Variants in TSPAN11 observed in about 807,000 individuals in gnomAD.
TSPAN11 encodes tetraspanin-11.
Under a neutral mutation model 32.9 loss-of-function variants are expected in TSPAN11, and 29 were observed. The ratio of observed to expected loss-of-function variants is 0.88; its 90% CI spans 0.66 to 1.20. The LOEUF (loss-of-function observed/expected upper bound fraction) is 1.20, where lower values mean the gene tolerates loss of function less well. TSPAN11 is among the 50% of genes most tolerant of loss of function. TSPAN11 has a pLI of 0.00. For missense variants in TSPAN11, 283 were observed against 329.1 expected, an observed-to-expected ratio of 0.86 and a Z score of 1.08; for synonymous variants, 140 against 141.3, an observed-to-expected ratio of 0.99 and a Z score of 0.07.
At chr12:30,990,308 A>G (rs1939286810) in intron 7 of TSPAN11, among the ~76,000 whole-genome samples, 1 of 152,090 alleles carries the variant, frequency 6.6e-6, no homozygotes, top group Non-Finnish European at 1.5e-5. Context: ...CTCCCCCAGC[A>G]GGAGACGTAC....
In TSPAN11 at chr12:30,932,684, A is replaced by G. The variant is rs559209116; in HGVS notation, c.-12+5888A>G. Among the ~76,000 whole-genome samples the G allele has an allele frequency of 5.9e-5, 9 of 152,270 alleles. No homozygotes were observed. In the South Asian group the frequency reaches 1.5e-3, roughly 25 times the overall value. ...CTCCTTTGGAGATCTACTAAAACCT[A>G]TGGAACCGCAGCACATAGATGGTAA... On this transcript the variant is annotated intron_variant, in intron 1 of 7. Coordinates refer to ENST00000546076, the MANE Select transcript of TSPAN11 (RefSeq NM_001370302.1).
At chr12:30,956,296 C>G (rs894390285) in intron 2 of TSPAN11, among the ~76,000 whole-genome samples, 2 of 152,226 alleles carry the variant, frequency 1.3e-5, no homozygotes, top group African/African-American at 4.8e-5. Context: ...AGAATAGTTA[C>G]GTGGAACATT....
intron 1 of TSPAN11, among the ~76,000 whole-genome samples, chr12:30,940,732 T>C (rs184558533): frequency 3.9e-4 from 59 of 152,150 alleles, no homozygotes; most frequent in African/African-American, 1.2e-3. Flanking sequence ...TTGTGAGGAT[T>C]AAAAGAGATA....
At chr12:30,971,592 TA>T (rs1938851809) in intron 3 of TSPAN11, among the ~76,000 whole-genome samples, 1 of 151,716 alleles carries the variant, frequency 6.6e-6, no homozygotes, top group African/African-American at 2.4e-5. Flanking sequence ...AATAAATAAA[TA>T]AATTTAATTA....
At chr12:30,978,737 A>G in intron 4 of TSPAN11, 102 bp downstream of exon 4, 1 of 1,224,682 alleles carries the variant, frequency 8.2e-7, no homozygotes, top group South Asian at 1.3e-5. Flanking sequence ...GGAAGGCACA[A>G]GGGCGGTCCT....
At chr12:31,011,996 C>T in the TSPAN11 span, among the ~76,000 whole-genome samples, 25 of 152,244 alleles carry the variant, frequency 1.6e-4, no homozygotes, top group Non-Finnish European at 3.2e-4. Context: ...CTTAGACCAC[C>T]TCTGCAAAGG....
rs150675358 is a variant in TSPAN11, at chr12:30,974,986, C to T, written c.277-3575C>T. On this transcript the variant is annotated intron_variant, in intron 3 of 7. Coordinates refer to ENST00000546076, the MANE Select transcript of TSPAN11 (RefSeq NM_001370302.1). ...TAGCCTGGTGGAGCCAAGACTGAGCCGAGCTGGGTGTGGAAGGACAGGTAG... is the reference window on the plus strand; with the variant it reads ...TAGCCTGGTGGAGCCAAGACTGAGCTGAGCTGGGTGTGGAAGGACAGGTAG... 5.7e-4 allele frequency among the ~76,000 whole-genome samples: 87 copies of T among 152,286 alleles called. 1 individual carries two copies. The East Asian group carries it at 0.013, about 22-fold the overall frequency.
downstream of TSPAN11, among the ~76,000 whole-genome samples, chr12:30,998,750 T>C (rs1357084672): frequency 6.6e-6 from 1 of 152,216 alleles, no homozygotes; most frequent in East Asian, 1.9e-4. Flanking sequence ...AGAACATTAA[T>C]GTTCCCGTGA....
intron 7 of TSPAN11, among the ~76,000 whole-genome samples, chr12:30,983,634 C>T (rs1939142911): frequency 6.6e-6 from 1 of 152,038 alleles, no homozygotes; most frequent in Non-Finnish European, 1.5e-5. Flanking sequence ...GTCAGTCCTC[C>T]ATGTCCGTGG....
Position 30,937,309 on chromosome 12 carries a change from T to C in TSPAN11, c.-12+10513T>C, listed in dbSNP as rs550256669. Among the ~76,000 whole-genome samples, 14 of 152,272 alleles carry C rather than the reference T, an allele frequency of 9.2e-5. No homozygotes were observed. The South Asian group carries it at 2.9e-3, about 32-fold the overall frequency. ...TAGGAAAATGTGACTTGAGAAACAGTATGCATGGTCATTAGGTTGAACTGT... is the reference window on the plus strand; with the variant it reads ...TAGGAAAATGTGACTTGAGAAACAGCATGCATGGTCATTAGGTTGAACTGT... On this transcript the variant is annotated intron_variant, in intron 1 of 7. Coordinates refer to ENST00000546076, the MANE Select transcript of TSPAN11 (RefSeq NM_001370302.1).
At chr12:30,954,135 T>C in intron 2 of TSPAN11, 60 bp downstream of exon 2, 1 of 1,305,162 alleles carries the variant, frequency 7.7e-7, no homozygotes. Context: ...AAGCCACCTT[T>C]TGTTTTTTTG....
intron 1 of TSPAN11, among the ~76,000 whole-genome samples, chr12:30,949,916 T>C (rs1938347845): frequency 6.6e-6 from 1 of 152,110 alleles, no homozygotes. Flanking sequence ...CCCCTGGTTC[T>C]CCTTCTACCC....
rs555628978 is a variant in TSPAN11 at position 30,963,207 on chromosome 12, C to T, written c.85-619C>T. On this transcript the variant is annotated intron_variant, in intron 2 of 7. Transcript: ENST00000546076. ...CATGGAGGCAGTGTGACTGAGTGGG[C>T]AGGCCCTGGGCTCTGAGTTCTCCTC... 2.0e-5 allele frequency among the ~76,000 whole-genome samples: 3 copies of T among 152,224 alleles called. No homozygotes were observed. The South Asian group carries it at 6.2e-4, about 32-fold the overall frequency.
Position 30,981,295 on chromosome 12 carries a change from A to G in TSPAN11, c.457-1237A>G, listed in dbSNP as rs565293994. ...CTCCAGCAGCAGCACGTGGATGTAA[A>G]TGACAGAGACACACAAAGCTGTATT... is the stretch of plus-strand genomic sequence containing the variant. On this transcript the variant is annotated intron_variant, in intron 5 of 7. Coordinates refer to ENST00000546076, the MANE Select transcript of TSPAN11 (RefSeq NM_001370302.1). Among the ~76,000 whole-genome samples, 14 of 152,330 alleles carry G rather than the reference A, an allele frequency of 9.2e-5. 1 individual carries two copies. The highest frequency in any genetic ancestry group is 3.4e-4 in the African/African-American group (14 of 41,572).
At chr12:30,971,252 A>G (rs1234916594) in intron 3 of TSPAN11, among the ~76,000 whole-genome samples, 1 of 152,240 alleles carries the variant, frequency 6.6e-6, no homozygotes, top group African/African-American at 2.4e-5. Context: ...GGAATGCTTC[A>G]GTGAAGCTCC....
chr12:30,927,136 C>A, intron 1 of TSPAN11: 2 of 788,782 alleles, frequency 2.5e-6, no homozygotes, highest in Non-Finnish European at 3.5e-6. Context: ...GTGCCCGGGG[C>A]ATGTCTGTTC....
At chr12:30,967,958 G>A (rs1592484080) in intron 3 of TSPAN11, among the ~76,000 whole-genome samples, 1 of 152,192 alleles carries the variant, frequency 6.6e-6, no homozygotes, top group East Asian at 1.9e-4. Flanking sequence ...AAACCAAGAA[G>A]GTGCCTGTAC....
intron 7 of TSPAN11, among the ~76,000 whole-genome samples, chr12:30,987,767 A>T (rs1257063738): frequency 6.6e-6 from 1 of 152,170 alleles, no homozygotes; most frequent in Non-Finnish European, 1.5e-5. Flanking sequence ...CCCAGAAGTC[A>T]GATGTGAGAG....
At chr12:30,968,252 A>C (rs898019510) in intron 3 of TSPAN11, among the ~76,000 whole-genome samples, 1 of 152,232 alleles carries the variant, frequency 6.6e-6, no homozygotes, top group African/African-American at 2.4e-5. Context: ...AATGATGTGC[A>C]ACTACCTTGG....
Sources: gnomAD v4.1 joint callset for allele counts (sites outside exome capture counted in the v4.1 genomes callset) on GRCh38, gnomAD v4.1.1 for gene constraint, MANE v1.5 for transcripts, NCBI Gene and HGNC (gene_info 2026-07-23, HGNC 2026-07-21) for gene names.